SNX13: variants seen among roughly 807,000 people sequenced by gnomAD.
SNX13 encodes sorting nexin 13.
Under a neutral mutation model 133.6 loss-of-function variants are expected in SNX13, and 45 were observed. That is an observed-to-expected ratio of 0.34 (90% CI 0.27 to 0.43). The LOEUF is 0.43. Ranked by LOEUF, SNX13 falls within the 20% of genes least tolerant of loss-of-function variation. The pLI is 1.00. For synonymous variants in SNX13, 414 were observed against 373.9 expected (o/e 1.11, Z -1.24); for missense variants, 1,032 against 1,145.1 (o/e 0.90, Z 1.43).
intron 1 of SNX13, among the ~76,000 whole-genome samples, chr7:17,932,928 C>G (rs955053006): frequency 6.6e-6 from 1 of 152,182 alleles, no homozygotes; most frequent in Non-Finnish European, 1.5e-5. Flanking sequence ...TGGTACAATG[C>G]TAAATTTAGC....
intron 1 of SNX13, chr7:17,898,929 T>C (rs1367817133): frequency 6.6e-6 from 1 of 152,232 alleles, no homozygotes; most frequent in African/African-American, 2.4e-5. Context: ...AAGGACAGAA[T>C]GCCTGCTAAC....
chr7:17,924,234 T>C (rs944542397), intron 1 of SNX13, among the ~76,000 whole-genome samples: 20 of 152,220 alleles, frequency 1.3e-4, no homozygotes, highest in African/African-American at 4.8e-4. Context: ...ATCATGTATC[T>C]GATTAATAGA....
intron 10 of SNX13, 48 bp downstream of exon 10, chr7:17,850,778 A>G: frequency 1.5e-6 from 2 of 1,359,594 alleles, no homozygotes; most frequent in Non-Finnish European, 1.9e-6. Flanking sequence ...TTTTGAAGAT[A>G]AAATAATACT....
chr7:17,912,667 C>G (rs1583748523), intron 1 of SNX13, among the ~76,000 whole-genome samples: 1 of 152,324 alleles, frequency 6.6e-6, no homozygotes, highest in Admixed American at 6.5e-5. Context: ...CTGCCTTGGC[C>G]TCTCAAAGTG....
chr7:17,895,009 A>G (rs1222420406), intron 2 of SNX13, among the ~76,000 whole-genome samples: 1 of 152,192 alleles, frequency 6.6e-6, no homozygotes, highest in African/African-American at 2.4e-5. Context: ...TATCTGTGTT[A>G]TATCTGATAT....
In SNX13 at chr7:17,805,556, TGAA is replaced by T. The variant is rs1435334219; in HGVS notation, c.2065-1979_2065-1977del. 6.6e-5 allele frequency among the ~76,000 whole-genome samples: 10 copies of T among 152,300 alleles called. No individual in the cohort carries two copies. The East Asian group carries it at 1.9e-3, about 29-fold the overall frequency. ...TAGCATTTCAGAAGCATAAAAGGCATGAATTTCAATTTAATCTCCAACCTGAGT... is the reference window on the plus strand; with the variant it reads ...TAGCATTTCAGAAGCATAAAAGGCATTTTCAATTTAATCTCCAACCTGAGT... On this transcript the variant is annotated intron_variant, in intron 20 of 25. Coordinates refer to ENST00000428135, the MANE Select transcript of SNX13 (RefSeq NM_015132.5).
chr7:17,916,195 C>CA (rs1799544147), intron 1 of SNX13, among the ~76,000 whole-genome samples: 11 of 151,826 alleles, frequency 7.2e-5, no homozygotes, highest in African/African-American at 2.2e-4. Context: ...AGGAGATAGA[C>CA]GTCCAATTAA....
intron 1 of SNX13, among the ~76,000 whole-genome samples, chr7:17,915,320 G>A (rs1799425064): frequency 1.3e-5 from 2 of 152,130 alleles, no homozygotes; most frequent in South Asian, 4.1e-4. Context: ...CCCTTACCTA[G>A]GCGCCACAGC....
intron 5 of SNX13, among the ~76,000 whole-genome samples, chr7:17,876,992 C>T (rs1220132149): frequency 7.6e-6 from 1 of 131,406 alleles, no homozygotes; most frequent in East Asian, 2.3e-4. Context: ...TAATTACCCA[C>T]ACATACAATA....
intron 9 of SNX13, among the ~76,000 whole-genome samples, chr7:17,856,098 G>A (rs1305517525): frequency 6.6e-6 from 1 of 152,146 alleles, no homozygotes; most frequent in Non-Finnish European, 1.5e-5. Flanking sequence ...GGTAGAAATG[G>A]CAAGAGAAGT....
intron 16 of SNX13, among the ~76,000 whole-genome samples, chr7:17,826,758 T>C (rs1181793378): frequency 2.6e-5 from 4 of 152,100 alleles, no homozygotes; most frequent in Admixed American, 1.3e-4. Context: ...GAATCTTTTA[T>C]AACTACGGCC....
intron 20 of SNX13, among the ~76,000 whole-genome samples, chr7:17,805,266 C>CGCGCGCGCGCGCGCAT (rs1785159753): frequency 8.0e-6 from 1 of 125,642 alleles, no homozygotes; most frequent in African/African-American, 3.1e-5. Context: ...CGCGCGCGCG[C>CGCGCGCGCGCGCGCAT]ATGCATGCAC....
At chr7:17,815,869 A>T (rs1786597147) in intron 19 of SNX13, among the ~76,000 whole-genome samples, 1 of 152,184 alleles carries the variant, frequency 6.6e-6, no homozygotes, top group Non-Finnish European at 1.5e-5. Flanking sequence ...TGACACAGAC[A>T]TTTAGCACTT....
intron 9 of SNX13, 88 bp downstream of exon 9, chr7:17,868,319 T>TA: frequency 1.2e-6 from 1 of 866,606 alleles, no homozygotes; most frequent in African/African-American, 1.7e-5. Context: ...TTTAATAAAT[T>TA]ACTGCTTAAA....
intron 18 of SNX13, among the ~76,000 whole-genome samples, chr7:17,820,599 G>T (rs1303357762): frequency 6.6e-6 from 1 of 152,006 alleles, no homozygotes; most frequent in African/African-American, 2.4e-5. Context: ...GCTATTAATA[G>T]TTTATCTCAC....
chr7:17,905,165 A>C (rs1691342274), intron 1 of SNX13, among the ~76,000 whole-genome samples: 1 of 152,236 alleles, frequency 6.6e-6, no homozygotes, highest in South Asian at 2.1e-4. Context: ...TATACAATTA[A>C]GAAAAAAATT....
chr7:17,858,678 A>C (rs1483197211), intron 9 of SNX13, among the ~76,000 whole-genome samples: 1 of 152,156 alleles, frequency 6.6e-6, no homozygotes, highest in Admixed American at 6.5e-5. Flanking sequence ...CTAGAGAAAA[A>C]GAACAAGTGT....
intron 1 of SNX13, among the ~76,000 whole-genome samples, chr7:17,910,962 G>C (rs559271247): frequency 6.6e-6 from 1 of 152,168 alleles, no homozygotes; most frequent in East Asian, 1.9e-4. Context: ...ACACTAATTA[G>C]AGGTGGTGGT....
At chr7:17,833,824 CTTT>C (rs1788807831) in intron 15 of SNX13, among the ~76,000 whole-genome samples, 1 of 151,694 alleles carries the variant, frequency 6.6e-6, no homozygotes, top group African/African-American at 2.4e-5. Context: ...CATTCTTCTT[CTTT>C]AAGAATTCAA....
Sources: gnomAD v4.1 joint callset for allele counts (sites outside exome capture counted in the v4.1 genomes callset) on GRCh38, gnomAD v4.1.1 for gene constraint, MANE v1.5 for transcripts, NCBI Gene and HGNC (gene_info 2026-07-23, HGNC 2026-07-21) for gene names.